PPP1R13B: variants seen among roughly 807,000 people sequenced by gnomAD.
PPP1R13B encodes protein phosphatase 1 regulatory subunit 13B.
In PPP1R13B, 44 loss-of-function variants were observed where a neutral mutation model predicts 119.8. That is an observed-to-expected ratio of 0.37 (90% CI 0.29 to 0.47). The LOEUF is 0.47. PPP1R13B is among the 20% of genes least tolerant of loss of function. The probability of loss-of-function intolerance (pLI) is 0.99; values close to 1 mark genes in which losing one functional copy is unlikely to be tolerated. For missense variants in PPP1R13B, 1,227 were observed against 1,413.5 expected (o/e 0.87, Z 2.12); for synonymous variants, 542 against 561.5 (o/e 0.97, Z 0.49).
chr14:103,809,891 ATCTCGGCTCACTGCAACCTCTGCC>A (rs888248615), intron 1 of PPP1R13B, among the ~76,000 whole-genome samples: 9 of 151,172 alleles, frequency 6.0e-5, no homozygotes, highest in Non-Finnish European at 1.2e-4. Flanking sequence ...CAGTGGCACG[ATCTCGGCTCACTGCAACCTCTGCC>A]TCCCGGGTTC....
chr14:103,744,430 G>A (rs536085603), intron 9 of PPP1R13B, among the ~76,000 whole-genome samples: 2 of 152,320 alleles, frequency 1.3e-5, no homozygotes, highest in East Asian at 1.9e-4. Flanking sequence ...GAGGGTACAC[G>A]TGGCCCCACC....
chr14:103,787,715 C>T (rs1223496175), intron 2 of PPP1R13B, among the ~76,000 whole-genome samples: 3 of 147,770 alleles, frequency 2.0e-5, no homozygotes, highest in Non-Finnish European at 3.0e-5. Flanking sequence ...TGCAGTGGCG[C>T]AATCTCGGCT....
In PPP1R13B at chr14:103,784,123, CT is replaced by C. The variant is rs2085396235; in HGVS notation, c.277+671del. On this transcript the variant is annotated intron_variant, in intron 3 of 16. Transcript: ENST00000202556. Reference sequence around the variant, plus strand: ...CCCAGGAGGCAGAGGTTGCAGTGAGCTGAGATTGTGCCACTGTACTCCAGCC... The same window carrying C: ...CCCAGGAGGCAGAGGTTGCAGTGAGCGAGATTGTGCCACTGTACTCCAGCC... 2.0e-5 allele frequency among the ~76,000 whole-genome samples: 3 copies of C among 152,226 alleles called. 1 individual carries two copies. The highest frequency in any genetic ancestry group is 7.2e-5 in the African/African-American group (3 of 41,546).
At chr14:103,739,059 G>A in intron 12 of PPP1R13B, 36 bp from the exon 13 acceptor site, 1 of 1,593,606 alleles carries the variant, frequency 6.3e-7, no homozygotes, top group Non-Finnish European at 8.6e-7. Context: ...AGTTAAAGGT[G>A]GTCCACTGAA....
rs547311085 is a variant in PPP1R13B, at chr14:103,831,861, G to A, written c.9+15438C>T. Among the ~76,000 whole-genome samples, 1,056 of 151,830 alleles carry A rather than the reference G, an allele frequency of 7.0e-3. 15 individuals are homozygous for A. The highest frequency in any genetic ancestry group is 0.024 in the African/African-American group (1,003 of 41,454). On this transcript the variant is annotated intron_variant, in intron 1 of 16. Coordinates refer to ENST00000202556, the MANE Select transcript of PPP1R13B (RefSeq NM_015316.3). ...TGAGGCAGGAGAATCACTTGAACCTGGGAGGCGGAGGTTGCAGTGAGCCGA... is the reference window on the plus strand; with the variant it reads ...TGAGGCAGGAGAATCACTTGAACCTAGGAGGCGGAGGTTGCAGTGAGCCGA...
At chr14:103,810,689 G>A (rs890546675) in intron 1 of PPP1R13B, among the ~76,000 whole-genome samples, 29 of 151,990 alleles carry the variant, frequency 1.9e-4, no homozygotes, top group Admixed American at 1.6e-3. Context: ...GGAGTATGGC[G>A]TGACCCGGGA....
chr14:103,819,470 C>T (rs1235506673), intron 1 of PPP1R13B, among the ~76,000 whole-genome samples: 1 of 147,746 alleles, frequency 6.8e-6, no homozygotes, highest in Non-Finnish European at 1.5e-5. Flanking sequence ...GTACTCCAGC[C>T]TGGGCAAGAG....
intron 12 of PPP1R13B, 195 bp from the exon 13 acceptor site, chr14:103,739,218 G>A (rs2084188975): frequency 1.5e-6 from 1 of 657,382 alleles, no homozygotes; most frequent in East Asian, 2.7e-5. Context: ...CACTACAAGG[G>A]AGAGCCCTGT....
chr14:103,768,669 G>A (rs1354624565), intron 4 of PPP1R13B, among the ~76,000 whole-genome samples: 10 of 149,428 alleles, frequency 6.7e-5, no homozygotes, highest in African/African-American at 2.5e-4. Flanking sequence ...CTGACCTTGT[G>A]ATCTGCCTGC....
chr14:103,741,701 G>T, intron 11 of PPP1R13B, 89 bp downstream of exon 11: 1 of 1,440,950 alleles, frequency 6.9e-7, no homozygotes, highest in Non-Finnish European at 9.4e-7. Flanking sequence ...ATAGCACGTG[G>T]CCCAAACGTA....
chr14:103,776,995 C>T (rs1219451804), intron 4 of PPP1R13B, among the ~76,000 whole-genome samples: 2 of 151,982 alleles, frequency 1.3e-5, no homozygotes, highest in African/African-American at 4.8e-5. Context: ...CATACACCAA[C>T]ATTTCGGCTT....
At chr14:103,814,838 A>G (rs2086241137) in intron 1 of PPP1R13B, among the ~76,000 whole-genome samples, 1 of 151,778 alleles carries the variant, frequency 6.6e-6, no homozygotes, top group South Asian at 2.1e-4. Context: ...CCAGCTACTC[A>G]AGAGGCTGAG....
Position 103,785,879 on chromosome 14 carries a change from G to A in PPP1R13B, c.158-965C>T, listed in dbSNP as rs567435515. On this transcript the variant is annotated intron_variant, in intron 2 of 16. Coordinates refer to ENST00000202556, the MANE Select transcript of PPP1R13B (RefSeq NM_015316.3). Reference sequence around the variant, plus strand: ...CATGTTATTTCTTAAAATGTCAGGCGTGGCAATCAGAGGTACGAAGGCTGG... The same window carrying A: ...CATGTTATTTCTTAAAATGTCAGGCATGGCAATCAGAGGTACGAAGGCTGG... Among the ~76,000 whole-genome samples, 8 of 152,252 alleles carry A rather than the reference G, an allele frequency of 5.3e-5. No individual in the cohort carries two copies. In the East Asian group the frequency reaches 7.7e-4, roughly 15 times the overall value.
chr14:103,777,358 A>G (rs939115331), intron 4 of PPP1R13B, among the ~76,000 whole-genome samples: 1 of 152,150 alleles, frequency 6.6e-6, no homozygotes, highest in African/African-American at 2.4e-5. Context: ...CATTCCATCT[A>G]TTCTCCAAGT....
rs2086907227 is a variant in PPP1R13B at position 103,841,477 on chromosome 14, C to A, written c.9+5822G>T. On this transcript the variant is annotated intron_variant, in intron 1 of 16. Transcript: ENST00000202556. ...TGGTGGCGGGCGCCTGTAATCCCAG[C>A]TACTCAGGACGCTGAGGTGGGAGAA... 2.0e-5 allele frequency among the ~76,000 whole-genome samples: 3 copies of A among 151,936 alleles called. No homozygotes were observed. The South Asian group carries it at 6.2e-4, about 32-fold the overall frequency.
At chr14:103,783,171 G>A (rs953426623) in intron 3 of PPP1R13B, among the ~76,000 whole-genome samples, 5 of 151,862 alleles carry the variant, frequency 3.3e-5, no homozygotes, top group African/African-American at 9.7e-5. Context: ...TTTGCAATAT[G>A]AGCTACAAAT....
At chr14:103,774,858 G>T (rs2085150861) in intron 4 of PPP1R13B, among the ~76,000 whole-genome samples, 1 of 152,168 alleles carries the variant, frequency 6.6e-6, no homozygotes, top group African/African-American at 2.4e-5. Context: ...AGCTTAAAAG[G>T]TAGATGTGTA....
intron 3 of PPP1R13B, 75 bp downstream of exon 3, chr14:103,784,720 A>G: frequency 7.1e-7 from 1 of 1,417,440 alleles, no homozygotes. Flanking sequence ...TGAATAATTT[A>G]ATATTTATTC....
intron 1 of PPP1R13B, among the ~76,000 whole-genome samples, chr14:103,814,776 T>C (rs1386707265): frequency 6.6e-6 from 1 of 152,050 alleles, no homozygotes; most frequent in Non-Finnish European, 1.5e-5. Flanking sequence ...AAACCCTGTC[T>C]CTACTAATAA....
Sources: allele counts gnomAD v4.1 joint callset (sites outside exome capture counted in the v4.1 genomes callset), GRCh38; gene constraint gnomAD v4.1.1; transcripts MANE v1.5; gene names NCBI Gene and HGNC (gene_info 2026-07-23, HGNC 2026-07-21).